Variants in SDHC observed in about 807,000 individuals in gnomAD.
SDHC encodes succinate dehydrogenase complex subunit C, also known as succinate dehydrogenase cytochrome b560 subunit, mitochondrial.
SDHC carries 11 observed loss-of-function variants against 22.6 expected under a neutral mutation model. That is an observed-to-expected ratio of 0.49 (90% CI 0.31 to 0.81). SDHC has a LOEUF of 0.81. SDHC is among the 30% of genes least tolerant of loss of function. The probability of loss-of-function intolerance (pLI) is 0.05; values close to 1 mark genes in which losing one functional copy is unlikely to be tolerated. For missense variants in SDHC, 160 were observed against 212.0 expected (o/e 0.75, Z 1.52); for synonymous variants, 80 against 77.8 (o/e 1.03, Z -0.15).
intron 4 of SDHC, among the ~76,000 whole-genome samples, chr1:161,350,612 A>C (rs905377161): frequency 6.6e-6 from 1 of 152,244 alleles, no homozygotes; most frequent in African/African-American, 2.4e-5. Context: ...AAGATAGCCC[A>C]AATGTGTTAG....
intron 3 of SDHC, among the ~76,000 whole-genome samples, chr1:161,334,169 G>A (rs1430088596): frequency 2.0e-5 from 3 of 152,116 alleles, no homozygotes; most frequent in African/African-American, 7.2e-5. Flanking sequence ...GCCTTTCCTA[G>A]CTTCTAGAGG....
At chr1:161,346,038 C>T (rs965445584) in intron 4 of SDHC, among the ~76,000 whole-genome samples, 31 of 152,078 alleles carry the variant, frequency 2.0e-4, no homozygotes, top group South Asian at 8.3e-4. Context: ...CTCCTGACCT[C>T]AAGGAATCTG....
At position 161,328,413 on chromosome 1, in the gene SDHC, C is replaced by A. The variant is rs1571851464; in HGVS notation, c.95C>A (p.Thr32Asn). 6.2e-7 allele frequency: 1 copy of A among 1,613,038 alleles called. No individual in the cohort carries two copies. Among genetic ancestry groups the A allele is most frequent in the East Asian group, 2.2e-5 (1 of 44,884 alleles). ...LCIRNAVPLGTTAKEEMERFW... is the reference protein window; with the variant it reads ...LCIRNAVPLGNTAKEEMERFW... ...TATTTTAGTGCTGTTCCTTTGGGAA[C>A]CACGGCCAAAGAAGAGATGGAGCGG... Residue 32 changes from threonine to asparagine, a missense_variant, in exon 3 of 6, where the codon ACC (threonine) becomes AAC (asparagine). Thr to Asn is a moderately conservative substitution (Grantham distance 65). Transcript: ENST00000367975.
At chr1:161,358,560 C>T (rs558053661) in intron 5 of SDHC, among the ~76,000 whole-genome samples, 2 of 151,996 alleles carry the variant, frequency 1.3e-5, no homozygotes, top group South Asian at 2.1e-4. Flanking sequence ...TCGAATGAGC[C>T]TGGGAGGCGG....
chr1:161,351,542 T>C (rs1263059567), intron 4 of SDHC, among the ~76,000 whole-genome samples: 1 of 152,194 alleles, frequency 6.6e-6, no homozygotes, highest in Non-Finnish European at 1.5e-5. Context: ...AGAAAATGTG[T>C]GATATTTGTA....
intron 5 of SDHC, among the ~76,000 whole-genome samples, chr1:161,361,231 A>G (rs533951522): frequency 6.6e-6 from 1 of 151,618 alleles, no homozygotes; most frequent in Admixed American, 6.6e-5. Flanking sequence ...TTTTTAATGA[A>G]GTTTATTTAT....
intron 1 of SDHC, among the ~76,000 whole-genome samples, chr1:161,316,473 C>T (rs1670621834): frequency 6.6e-6 from 1 of 152,196 alleles, no homozygotes; most frequent in African/African-American, 2.4e-5. Flanking sequence ...ATCCATTTAA[C>T]CCTGAGTTGA....
At chr1:161,324,247 G>A (rs1670965234) in intron 2 of SDHC, among the ~76,000 whole-genome samples, 1 of 152,134 alleles carries the variant, frequency 6.6e-6, no homozygotes, top group Non-Finnish European at 1.5e-5. Context: ...GGGACCACAA[G>A]CATGTGGTGT....
chr1:161,342,512 T>C (rs1322470131), intron 4 of SDHC, among the ~76,000 whole-genome samples: 1 of 121,320 alleles, frequency 8.2e-6, no homozygotes, highest in African/African-American at 3.5e-5. Context: ...GGTATGTCTT[T>C]TTTTTTTTTT....
At chr1:161,343,483 G>T (rs1295528891) in intron 4 of SDHC, among the ~76,000 whole-genome samples, 1 of 151,978 alleles carries the variant, frequency 6.6e-6, no homozygotes, top group Non-Finnish European at 1.5e-5. Flanking sequence ...CATTCCTTTG[G>T]TTGGTAAAGG....
intron 1 of SDHC, among the ~76,000 whole-genome samples, chr1:161,315,852 C>T (rs763442854): frequency 8.6e-5 from 13 of 151,876 alleles, no homozygotes; most frequent in South Asian, 2.1e-4. Flanking sequence ...AGAGGATCCC[C>T]GCCGGCCTCT....
chr1:161,314,505 G>A, intron 1 of SDHC, 80 bp downstream of exon 1: 1 of 1,537,910 alleles, frequency 6.5e-7, no homozygotes, highest in South Asian at 1.1e-5. Context: ...GCTGATAACT[G>A]TTTATCCTGT....
intron 4 of SDHC, among the ~76,000 whole-genome samples, chr1:161,343,634 A>G (rs1671794585): frequency 6.6e-6 from 1 of 152,132 alleles, no homozygotes; most frequent in Non-Finnish European, 1.5e-5. Context: ...TAGATTCATA[A>G]TTACTTTTAT....
rs115821847 is a variant in SDHC at position 161,344,655 on chromosome 1, C to T, written c.241+4000C>T. 6.4e-3 allele frequency among the ~76,000 whole-genome samples: 974 copies of T among 152,122 alleles called. 5 individuals are homozygous for T. The highest frequency in any genetic ancestry group is 0.022 in the African/African-American group (929 of 41,476). On this transcript the variant is annotated intron_variant, in intron 4 of 5. Transcript: ENST00000367975. ...ATGTTGAAGGTCCCTCCATCAAAAT[C>T]GTAAAGGAATAGGTTTTTGCCAGGT...
At chr1:161,323,918 G>C (rs55682614) in intron 2 of SDHC, among the ~76,000 whole-genome samples, 1 of 151,864 alleles carries the variant, frequency 6.6e-6, no homozygotes, top group Non-Finnish European at 1.5e-5. Context: ...GGACGGTCTC[G>C]ATCTCCTGAC....
intron 1 of SDHC, among the ~76,000 whole-genome samples, chr1:161,317,850 C>T (rs995158350): frequency 8.6e-5 from 13 of 151,648 alleles, no homozygotes; most frequent in East Asian, 3.9e-4. Context: ...GCCACCACGC[C>T]GGGCCAATGT....
chr1:161,342,450 G>A (rs746853455), intron 4 of SDHC, among the ~76,000 whole-genome samples: 2 of 151,990 alleles, frequency 1.3e-5, no homozygotes, highest in Non-Finnish European at 2.9e-5. Flanking sequence ...TTAGAACAGT[G>A]TGTAAATCCC....
chr1:161,328,004 C>CA (rs376143252), intron 2 of SDHC, among the ~76,000 whole-genome samples: 15,325 of 149,972 alleles, frequency 0.1, 1,005 homozygotes, highest in East Asian at 0.21. Flanking sequence ...AAAGATACTG[C>CA]AAATTTTTTT....
chr1:161,354,617 CT>C (rs201062096), intron 4 of SDHC, among the ~76,000 whole-genome samples: 256 of 93,732 alleles, frequency 2.7e-3, no homozygotes, highest in Middle Eastern at 0.013. Flanking sequence ...TTCTTTTTTT[CT>C]TTTTTTTTTT....
Sources: allele counts gnomAD v4.1 joint callset (sites outside exome capture counted in the v4.1 genomes callset), GRCh38; gene constraint gnomAD v4.1.1; transcripts MANE v1.5; gene names NCBI Gene and HGNC (gene_info 2026-07-23, HGNC 2026-07-21).